The following BMPER variants were observed in gnomAD, a reference collection of about 807,000 sequenced individuals.
The protein encoded by BMPER is BMP-binding endothelial regulator protein.
BMPER carries 45 observed loss-of-function variants against 87.3 expected under a neutral mutation model. The ratio of observed to expected loss-of-function variants is 0.52; its 90% confidence interval spans 0.41 to 0.66. The LOEUF is 0.66. Among genes scored for constraint, BMPER ranks in the 30% least tolerant of loss-of-function variants. BMPER has a pLI of 0.00. For missense variants in BMPER, 784 were observed against 867.5 expected (o/e 0.90, Z 1.21); for synonymous variants, 326 against 316.2 (o/e 1.03, Z -0.33).
intron 14 of BMPER, 60 bp from the exon 15 acceptor site, chr7:34,153,032 T>C: frequency 6.3e-7 from 1 of 1,594,576 alleles, no homozygotes; most frequent in Admixed American, 1.7e-5. Flanking sequence ...GGCATCTGGC[T>C]GAGGGTGAAT....
chr7:33,932,658 G>T (rs190402724), intron 2 of BMPER, among the ~76,000 whole-genome samples: 1 of 152,180 alleles, frequency 6.6e-6, no homozygotes, highest in East Asian at 1.9e-4. Flanking sequence ...GGATCCGCCC[G>T]CAGACATTTC....
At chr7:33,990,869 A>G (rs1786191264) in intron 6 of BMPER, among the ~76,000 whole-genome samples, 1 of 108,344 alleles carries the variant, frequency 9.2e-6, no homozygotes, top group African/African-American at 3.6e-5. Context: ...ATCTATTGAG[A>G]TAATCATGTG....
At chr7:34,053,700 A>G (rs1030483256) in intron 8 of BMPER, among the ~76,000 whole-genome samples, 3 of 152,226 alleles carry the variant, frequency 2.0e-5, no homozygotes, top group East Asian at 1.9e-4. Flanking sequence ...AAAGCTCTTC[A>G]TCTTCTTTAC....
chr7:33,945,758 G>C (rs1378838266), intron 3 of BMPER, among the ~76,000 whole-genome samples: 1 of 152,070 alleles, frequency 6.6e-6, no homozygotes, highest in Non-Finnish European at 1.5e-5. Context: ...CAAGTTATTT[G>C]GTTTATGCTC....
At chr7:34,086,340 G>A (rs760212396) in intron 13 of BMPER, among the ~76,000 whole-genome samples, 10 of 152,190 alleles carry the variant, frequency 6.6e-5, no homozygotes, top group African/African-American at 9.7e-5. Flanking sequence ...AGGTCTGCAC[G>A]TTTACTGGAA....
rs1044092338 is a variant in BMPER at position 34,055,377 on chromosome 7, A to C, written c.927+74A>C. ...AATTAAAAAGCTCCAGACACTAGGC[A>C]GATTGGGTTATCCCATAATTTCTAT... is the stretch of plus-strand genomic sequence containing the variant. On this transcript the variant is annotated intron_variant, in intron 9 of 14. Coordinates refer to ENST00000649409, the MANE Select transcript of BMPER (RefSeq NM_001365308.1). The C allele has an allele frequency of 3.8e-6, 6 of 1,583,308 alleles. No homozygotes were observed. In the Admixed American group the frequency reaches 5.0e-5, roughly 13 times the overall value.
chr7:34,053,963 A>G (rs781005898), intron 8 of BMPER, among the ~76,000 whole-genome samples: 3 of 152,190 alleles, frequency 2.0e-5, no homozygotes, highest in Admixed American at 6.5e-5. Flanking sequence ...TGTTATTACC[A>G]TCTTTAAATT....
intron 2 of BMPER, among the ~76,000 whole-genome samples, chr7:33,928,743 T>G (rs1784417766): frequency 6.7e-6 from 1 of 150,090 alleles, no homozygotes; most frequent in Non-Finnish European, 1.5e-5. Flanking sequence ...AATGGAATAG[T>G]TAGGTAACGT....
At chr7:33,952,542 A>G (rs950788965) in intron 3 of BMPER, among the ~76,000 whole-genome samples, 5 of 152,202 alleles carry the variant, frequency 3.3e-5, no homozygotes, top group African/African-American at 9.7e-5. Context: ...TTTGACACCG[A>G]AGCCCCTGCA....
intron 13 of BMPER, among the ~76,000 whole-genome samples, chr7:34,099,907 T>C (rs1789633227): frequency 6.6e-6 from 1 of 151,754 alleles, no homozygotes. Context: ...TTTTTTTTCA[T>C]TGTTTGTTTT....
rs1229805245 is a variant in BMPER, at chr7:34,030,324, A to G, written c.577-15982A>G. ...AAATTGAAGTTGATCAGCATTTTCC[A>G]AATTGTGTTTCCCTTTATATCACAC... On this transcript the variant is annotated intron_variant, in intron 6 of 14. Transcript: ENST00000649409. 2.6e-5 allele frequency among the ~76,000 whole-genome samples: 4 copies of G among 152,142 alleles called. No homozygotes were observed. In the East Asian group the frequency reaches 7.7e-4, roughly 29 times the overall value.
At chr7:34,140,548 T>C (rs1228965220) in intron 13 of BMPER, among the ~76,000 whole-genome samples, 1 of 152,234 alleles carries the variant, frequency 6.6e-6, no homozygotes, top group Non-Finnish European at 1.5e-5. Context: ...CGGCATATCA[T>C]TGATTGTGTC....
At chr7:33,946,420 C>T (rs187915579) in intron 3 of BMPER, among the ~76,000 whole-genome samples, 3 of 152,260 alleles carry the variant, frequency 2.0e-5, no homozygotes, top group East Asian at 1.9e-4. Flanking sequence ...AAGAGCAATG[C>T]GTTTTTATGA....
intron 10 of BMPER, 72 bp downstream of exon 10, chr7:34,058,235 C>T: frequency 7.2e-7 from 1 of 1,394,250 alleles, no homozygotes; most frequent in South Asian, 1.2e-5. Flanking sequence ...CAGTCGCATG[C>T]CATCTTCCGA....
chr7:33,910,283 T>C (rs898591644), intron 2 of BMPER, among the ~76,000 whole-genome samples: 4 of 152,214 alleles, frequency 2.6e-5, no homozygotes, highest in Non-Finnish European at 5.9e-5. Flanking sequence ...TTTCCCACTT[T>C]CTTGCTAGAA....
chr7:34,154,426 AC>A lies in BMPER; in HGVS notation c.*1154del, dbSNP rs959695200. Reference sequence around the variant, plus strand: ...TGAATTGGTGAAAACATCAACAAAAACAAAACCCACTGTGTCTTAAAATAAA... The same window carrying A: ...TGAATTGGTGAAAACATCAACAAAAAAAAACCCACTGTGTCTTAAAATAAA... On this transcript the variant is annotated 3_prime_UTR_variant, in exon 15 of 15. Coordinates refer to ENST00000649409, the MANE Select transcript of BMPER (RefSeq NM_001365308.1). 2 of 152,230 alleles carry A rather than the reference AC, an allele frequency of 1.3e-5. No individual in the cohort carries two copies. Among genetic ancestry groups the A allele is most frequent in the African/African-American group, 4.8e-5 (2 of 41,466 alleles). The allele number at this position is 152,230 out of a possible 1,614,324, so 9.4% of individuals were successfully genotyped here. A position where few individuals can be genotyped will look rare whatever the true frequency, so the allele number is the denominator to read the frequency against.
chr7:34,115,133 A>G (rs1790077548), intron 13 of BMPER, among the ~76,000 whole-genome samples: 1 of 152,262 alleles, frequency 6.6e-6, no homozygotes, highest in Non-Finnish European at 1.5e-5. Context: ...GCTGAAGTAG[A>G]TATCTTCCCT....
chr7:33,969,192 T>A (rs1465074540), intron 4 of BMPER, among the ~76,000 whole-genome samples: 1 of 152,140 alleles, frequency 6.6e-6, no homozygotes, highest in African/African-American at 2.4e-5. Context: ...TTTGTTATAT[T>A]TGTTTTCATC....
At chr7:33,983,822 T>C (rs1785923971) in intron 6 of BMPER, among the ~76,000 whole-genome samples, 1 of 152,198 alleles carries the variant, frequency 6.6e-6, no homozygotes, top group Non-Finnish European at 1.5e-5. Flanking sequence ...ACCAGCCATT[T>C]TGAGGGAGAA....
Sources: allele counts gnomAD v4.1 joint callset (sites outside exome capture counted in the v4.1 genomes callset), GRCh38; gene constraint gnomAD v4.1.1; transcripts MANE v1.5; gene names NCBI Gene and HGNC (gene_info 2026-07-23, HGNC 2026-07-21).